The following KCNMA1 variants were observed in gnomAD, a reference collection of about 807,000 sequenced individuals.
The protein encoded by KCNMA1 is potassium calcium-activated channel subfamily M alpha 1.
Under a neutral mutation model 140.0 loss-of-function variants are expected in KCNMA1, and 29 were observed. The ratio of observed to expected loss-of-function variants is 0.21; its 90% CI spans 0.15 to 0.28. KCNMA1 has a LOEUF of 0.28. KCNMA1 is among the 10% of genes least tolerant of loss of function. The pLI is 1.00. For synonymous variants in KCNMA1, 612 were observed against 611.9 expected, an observed-to-expected ratio of 1.00 and a Z score of 0.00; for missense variants, 880 against 1,602.2, an observed-to-expected ratio of 0.55 and a Z score of 7.70.
chr10:77,516,030 G>C (rs1175303073), intron 1 of KCNMA1, among the ~76,000 whole-genome samples: 1 of 152,172 alleles, frequency 6.6e-6, no homozygotes, highest in Non-Finnish European at 1.5e-5. Context: ...ACTTCTCCAG[G>C]AGCAAATGTT....
At chr10:77,306,233 T>C (rs537876601) in intron 2 of KCNMA1, among the ~76,000 whole-genome samples, 1 of 152,120 alleles carries the variant, frequency 6.6e-6, no homozygotes, top group Non-Finnish European at 1.5e-5. Flanking sequence ...CAAGGGTCCC[T>C]GAAAGGGAAA....
At chr10:76,958,595 T>C (rs1287155060) in intron 20 of KCNMA1, among the ~76,000 whole-genome samples, 1 of 152,172 alleles carries the variant, frequency 6.6e-6, no homozygotes, top group East Asian at 1.9e-4. Context: ...AATTAGGTCA[T>C]TGGGGTGAGT....
At chr10:77,045,526 C>T (rs74140271) in intron 14 of KCNMA1, among the ~76,000 whole-genome samples, 1,615 of 152,268 alleles carry the variant, frequency 0.011, 17 homozygotes, top group African/African-American at 0.037. Context: ...ATTTTTCATC[C>T]AGTCTAGTTG....
At chr10:77,456,661 G>A (rs368079472) in intron 1 of KCNMA1, among the ~76,000 whole-genome samples, 3 of 152,148 alleles carry the variant, frequency 2.0e-5, no homozygotes, top group East Asian at 1.9e-4. Flanking sequence ...TGCCTGCATC[G>A]AGCACTATGT....
chr10:76,883,721 GTTTTT>G (rs113872996), downstream of KCNMA1, among the ~76,000 whole-genome samples: 38 of 113,188 alleles, frequency 3.4e-4, no homozygotes, highest in African/African-American at 1.1e-3. Flanking sequence ...TTACTTCCTT[GTTTTT>G]TTTTTTTTTT....
At chr10:77,182,905 G>C (rs1052904061) in intron 5 of KCNMA1, among the ~76,000 whole-genome samples, 2 of 152,126 alleles carry the variant, frequency 1.3e-5, no homozygotes, top group Non-Finnish European at 2.9e-5. Context: ...AACACAGAAA[G>C]GGACCTCAGT....
intron 6 of KCNMA1, among the ~76,000 whole-genome samples, chr10:77,113,642 T>G (rs2097378016): frequency 6.6e-6 from 1 of 152,036 alleles, no homozygotes; most frequent in Non-Finnish European, 1.5e-5. Flanking sequence ...TTTTGTATTT[T>G]TAGTAGAGAT....
intron 5 of KCNMA1, among the ~76,000 whole-genome samples, chr10:77,136,838 C>A (rs893613871): frequency 6.6e-6 from 1 of 152,058 alleles, no homozygotes; most frequent in Non-Finnish European, 1.5e-5. Flanking sequence ...AAGTCAGTGG[C>A]AAGTCAGGAC....
At chr10:77,629,302 C>T (rs186271772) in intron 1 of KCNMA1, among the ~76,000 whole-genome samples, 1 of 152,310 alleles carries the variant, frequency 6.6e-6, no homozygotes, top group African/African-American at 2.4e-5. Flanking sequence ...GACTCATCCA[C>T]CTCACAAACA....
At chr10:77,200,407 C>T (rs1344069549) in intron 3 of KCNMA1, among the ~76,000 whole-genome samples, 1 of 152,188 alleles carries the variant, frequency 6.6e-6, no homozygotes, top group Admixed American at 6.5e-5. Context: ...AACCTATGCA[C>T]ATACTAAGAT....
chr10:77,550,531 G>T (rs183248430), intron 1 of KCNMA1, among the ~76,000 whole-genome samples: 14 of 152,292 alleles, frequency 9.2e-5, no homozygotes, highest in Non-Finnish European at 1.9e-4. Flanking sequence ...GCCTGTCTCA[G>T]CTTTGTGATC....
chr10:77,408,469 CACGTGTGAGTGTGT>C lies in KCNMA1; in HGVS notation c.379-4460_379-4447del, dbSNP rs2096541864. The stretch of plus-strand genomic sequence containing the variant: ...GTGCATGTGTGTGTGCGTTTGTGTG[CACGTGTGAGTGTGT>C]ACGTGTGTGTGCATGTCTGAGAATG... On this transcript the variant is annotated intron_variant, in intron 1 of 27. Transcript: ENST00000286628. Among the ~76,000 whole-genome samples, 4 of 150,744 alleles carry C rather than the reference CACGTGTGAGTGTGT, an allele frequency of 2.7e-5. No individual in the cohort carries two copies. In the South Asian group the frequency reaches 8.4e-4, roughly 32 times the overall value.
intron 19 of KCNMA1, among the ~76,000 whole-genome samples, chr10:76,981,543 G>C (rs949873561): frequency 5.9e-5 from 9 of 151,950 alleles, no homozygotes; most frequent in Non-Finnish European, 1.2e-4. Flanking sequence ...GGGATTGATC[G>C]GCGTGTGCAG....
At chr10:77,032,595 A>G (rs942053044) in intron 15 of KCNMA1, among the ~76,000 whole-genome samples, 6 of 152,228 alleles carry the variant, frequency 3.9e-5, no homozygotes, top group Non-Finnish European at 8.8e-5. Context: ...AAGAAAAAAA[A>G]TGCCACTTGT....
chr10:76,991,845 T>C (rs144989331), intron 19 of KCNMA1, among the ~76,000 whole-genome samples: 89 of 152,296 alleles, frequency 5.8e-4, no homozygotes, highest in African/African-American at 1.9e-3. Context: ...AAAATGAAGA[T>C]CATTTTAATG....
chr10:77,091,277 G>A (rs2096809101), intron 9 of KCNMA1: 1 of 152,538 alleles, frequency 6.6e-6, no homozygotes, highest in South Asian at 2.1e-4. Context: ...TGCTGGGAAG[G>A]GATGAGGCTG....
At chr10:77,319,245 T>C (rs1189910779) in intron 2 of KCNMA1, among the ~76,000 whole-genome samples, 1 of 152,138 alleles carries the variant, frequency 6.6e-6, no homozygotes, top group Non-Finnish European at 1.5e-5. Flanking sequence ...AGCTTCTCCC[T>C]CTTGTCCCTC....
chr10:77,009,416 T>C (rs963422293), intron 18 of KCNMA1, among the ~76,000 whole-genome samples: 1 of 152,182 alleles, frequency 6.6e-6, no homozygotes, highest in Admixed American at 6.5e-5. Flanking sequence ...GACAATTTAG[T>C]CTGCTGTGTT....
intron 1 of KCNMA1, among the ~76,000 whole-genome samples, chr10:77,429,061 A>C (rs2097091179): frequency 1.3e-5 from 2 of 152,192 alleles, no homozygotes; most frequent in Non-Finnish European, 2.9e-5. Context: ...AGATATATAG[A>C]TATATGGGTC....
Sources: gnomAD v4.1 joint callset for allele counts (sites outside exome capture counted in the v4.1 genomes callset) on GRCh38, gnomAD v4.1.1 for gene constraint, MANE v1.5 for transcripts, NCBI Gene and HGNC (gene_info 2026-07-23, HGNC 2026-07-21) for gene names.